The following NR3C1 variants were observed in gnomAD, a reference collection of about 807,000 sequenced individuals.
The protein encoded by NR3C1 is nuclear receptor subfamily 3 group C member 1.
NR3C1 carries 14 observed loss-of-function variants against 74.0 expected under a neutral mutation model. The ratio of observed to expected loss-of-function variants is 0.19; its 90% CI spans 0.12 to 0.30. The LOEUF (loss-of-function observed/expected upper bound fraction) is 0.30. Ranked by LOEUF, NR3C1 falls within the 10% of genes least tolerant of loss-of-function variation. The pLI is 1.00. For synonymous variants in NR3C1, 308 were observed against 332.5 expected, an observed-to-expected ratio of 0.93 and a Z score of 0.80; for missense variants, 695 against 909.8, an observed-to-expected ratio of 0.76 and a Z score of 3.04.
At position 143,399,684 on chromosome 5, in the gene NR3C1, G is replaced by C. The variant is rs766606650; in HGVS notation, c.1156C>G (p.Arg386Gly). 1.2e-6 allele frequency: 2 copies of C among 1,613,890 alleles called. No homozygotes were observed. Among genetic ancestry groups the C allele is most frequent in the East Asian group, 2.2e-5 (1 of 44,882 alleles). ...TSLGTLNFPG[R>G]TVFSNGYSSP... ...GAATAGCCATTAGAAAAAACTGTTCGACCAGGGAAGTTCAGAGTCCCCAGA... is the reference window on the plus strand; with the variant it reads ...GAATAGCCATTAGAAAAAACTGTTCCACCAGGGAAGTTCAGAGTCCCCAGA... Residue 386 changes from arginine to glycine, a missense_variant, in exon 2 of 9, where the codon CGA (arginine) becomes GGA (glycine). Physicochemically the swap from Arg to Gly is moderately radical, Grantham distance 125. Coordinates refer to ENST00000394464, the MANE Select transcript of NR3C1 (RefSeq NM_000176.3).
upstream of NR3C1, chr5:143,404,256 C>G: frequency 2.0e-6 from 2 of 985,490 alleles, no homozygotes; most frequent in East Asian, 2.3e-4. Context: ...AAAGGGGCTA[C>G]GGGGTTGCAC....
At chr5:143,405,591 G>A (rs1344836709), upstream of NR3C1, among the ~76,000 whole-genome samples, 1 of 152,144 alleles carries the variant, frequency 6.6e-6, no homozygotes, top group Non-Finnish European at 1.5e-5. Flanking sequence ...CAAGCCTCTT[G>A]TCCGGAGACG....
At chr5:143,402,870 A>T (rs1346010024) in intron 1 of NR3C1, 1 of 973,044 alleles carries the variant, frequency 1.0e-6, no homozygotes, top group East Asian at 1.1e-4. Context: ...CCTTGGAGGG[A>T]AAGGGGACAC....
At chr5:143,404,428 T>C (rs1600652636), upstream of NR3C1, 2 of 985,436 alleles carry the variant, frequency 2.0e-6, no homozygotes, top group Non-Finnish European at 1.2e-6. Context: ...CCGCATCATC[T>C]GGGCGGCCGG....
intron 2 of NR3C1, 69 bp from the exon 3 acceptor site, chr5:143,314,237 T>C: frequency 6.6e-7 from 1 of 1,521,084 alleles, no homozygotes. Flanking sequence ...TTCTCTTAGC[T>C]TCTCACTTCA....
intron 2 of NR3C1, among the ~76,000 whole-genome samples, chr5:143,353,674 C>T (rs1830613683): frequency 6.6e-6 from 1 of 152,092 alleles, no homozygotes; most frequent in South Asian, 2.1e-4. Context: ...TTACAGTGGC[C>T]TTAAAATATT....
intron 1 of NR3C1, among the ~76,000 whole-genome samples, chr5:143,415,443 A>G (rs920343098): frequency 3.3e-5 from 5 of 152,190 alleles, no homozygotes; most frequent in Non-Finnish European, 5.9e-5. Flanking sequence ...CAGTACCATA[A>G]GGTAAATGTG....
At chr5:143,284,377 A>G (rs1259417362) in intron 7 of NR3C1, among the ~76,000 whole-genome samples, 2 of 152,214 alleles carry the variant, frequency 1.3e-5, no homozygotes, top group Admixed American at 6.5e-5. Context: ...GATTCCATAA[A>G]GCATTACAAG....
chr5:143,398,172 C>T (rs1050212712), intron 2 of NR3C1, among the ~76,000 whole-genome samples: 2 of 151,906 alleles, frequency 1.3e-5, no homozygotes, highest in African/African-American at 4.8e-5. Context: ...TAAAACACAG[C>T]ATGTCTTTTA....
At chr5:143,407,379 T>TC (rs1473453421), upstream of NR3C1, 1 of 152,150 alleles carries the variant, frequency 6.6e-6, no homozygotes, top group African/African-American at 2.4e-5. Context: ...ATCTGAGTGC[T>TC]CCCCCCACTT....
At chr5:143,363,285 A>G (rs184235044) in intron 2 of NR3C1, among the ~76,000 whole-genome samples, 100 of 152,292 alleles carry the variant, frequency 6.6e-4, no homozygotes, top group African/African-American at 2.3e-3. Context: ...CATCTACAAT[A>G]CTCACCAACA....
chr5:143,364,564 T>A (rs1341232065), intron 2 of NR3C1, among the ~76,000 whole-genome samples: 1 of 152,224 alleles, frequency 6.6e-6, no homozygotes, highest in Non-Finnish European at 1.5e-5. Context: ...GCAATATTTT[T>A]AAATCTACAT....
intron 3 of NR3C1, 55 bp downstream of exon 3, chr5:143,313,947 C>T (rs1821515102): frequency 1.3e-6 from 2 of 1,587,430 alleles, no homozygotes; most frequent in Non-Finnish European, 1.7e-6. Context: ...CAAAATCCAC[C>T]CTGAGAAATG....
chr5:143,281,787 TAAA>T lies in NR3C1; in HGVS notation c.*99_*101del. On this transcript the variant is annotated 3_prime_UTR_variant, in exon 9 of 9. Transcript: ENST00000394464. ...AAAACAAAACAACAGATGAAAACAA[TAAA>T]AAATAAAACAACAAAACCTCTACAG... 7.8e-7 allele frequency: 1 copy of T among 1,287,674 alleles called. No individual in the cohort carries two copies. Among genetic ancestry groups the T allele is most frequent in the Middle Eastern group, 2.6e-4 (1 of 3,824 alleles). The allele number at this position is 1,287,674 out of a possible 1,614,324, so 79.8% of individuals were successfully genotyped here. A position where few individuals can be genotyped will look rare whatever the true frequency, so the allele number is the denominator to read the frequency against.
chr5:143,336,501 A>C (rs1158010305), intron 2 of NR3C1, among the ~76,000 whole-genome samples: 1 of 152,146 alleles, frequency 6.6e-6, no homozygotes, highest in East Asian at 1.9e-4. Flanking sequence ...AATTATTATG[A>C]AAAAAAATTC....
At chr5:143,396,127 G>GT (rs944694276) in intron 2 of NR3C1, among the ~76,000 whole-genome samples, 4 of 151,660 alleles carry the variant, frequency 2.6e-5, no homozygotes, top group African/African-American at 7.3e-5. Flanking sequence ...TAGAAACATC[G>GT]TAAGTAATTT....
At chr5:143,377,018 G>GA (rs1475408523) in intron 2 of NR3C1, among the ~76,000 whole-genome samples, 1 of 152,114 alleles carries the variant, frequency 6.6e-6, no homozygotes, top group African/African-American at 2.4e-5. Flanking sequence ...GTTACACTGG[G>GA]AAGGCTCTTT....
chr5:143,363,430 A>T (rs765787336), intron 2 of NR3C1, among the ~76,000 whole-genome samples: 4 of 152,168 alleles, frequency 2.6e-5, no homozygotes, highest in Non-Finnish European at 5.9e-5. Context: ...AAGAAAACAG[A>T]AACTATGCCT....
intron 2 of NR3C1, among the ~76,000 whole-genome samples, chr5:143,397,665 T>C (rs1301719169): frequency 1.3e-5 from 2 of 151,896 alleles, no homozygotes; most frequent in African/African-American, 2.4e-5. Flanking sequence ...CAGATTGGCA[T>C]AAAAATAATA....
Sources: allele counts gnomAD v4.1 joint callset (sites outside exome capture counted in the v4.1 genomes callset), GRCh38; gene constraint gnomAD v4.1.1; transcripts MANE v1.5; gene names NCBI Gene and HGNC (gene_info 2026-07-23, HGNC 2026-07-21).